GSE1: variants seen among roughly 807,000 people sequenced by gnomAD.
GSE1 encodes the protein Gse1 coiled-coil protein.
Under a neutral mutation model 112.6 loss-of-function variants are expected in GSE1, and 32 were observed. The ratio of observed to expected loss-of-function variants is 0.28; its 90% confidence interval spans 0.21 to 0.38. The LOEUF (loss-of-function observed/expected upper bound fraction) is 0.38, where lower values mean the gene tolerates loss of function less well. GSE1 is among the 10% of genes least tolerant of loss of function. The pLI is 1.00. For missense variants in GSE1, 2,348 were observed against 1,699.2 expected (o/e 1.38, Z -6.71); for synonymous variants, 1,115 against 735.6 (o/e 1.52, Z -8.35).
intron 2 of GSE1, among the ~76,000 whole-genome samples, chr16:85,638,679 C>G (rs1348674618): frequency 6.7e-6 from 1 of 149,468 alleles, no homozygotes; most frequent in Non-Finnish European, 1.5e-5. Flanking sequence ...GCCCCCCACC[C>G]TAATGCTGCC....
chr16:85,644,753 A>G (rs2050715501), intron 2 of GSE1, among the ~76,000 whole-genome samples: 1 of 152,046 alleles, frequency 6.6e-6, no homozygotes, highest in African/African-American at 2.4e-5. Flanking sequence ...TGGACGTGCT[A>G]GAACCGTGGG....
intron 2 of GSE1, among the ~76,000 whole-genome samples, chr16:85,454,076 G>A (rs943485568): frequency 4.6e-5 from 7 of 152,196 alleles, no homozygotes; most frequent in Non-Finnish European, 8.8e-5. Context: ...TCTAGGAGTG[G>A]AGGGAGCCAC....
At chr16:85,238,850 A>G (rs1295597594) in intron 1 of GSE1, among the ~76,000 whole-genome samples, 15 of 152,090 alleles carry the variant, frequency 9.9e-5, no homozygotes, top group Non-Finnish European at 2.9e-5. Flanking sequence ...CCTTCCTCCA[A>G]CAGATACTTA....
chr16:85,337,558 G>A (rs1024987041), intron 1 of GSE1, among the ~76,000 whole-genome samples: 1 of 152,138 alleles, frequency 6.6e-6, no homozygotes, highest in African/African-American at 2.4e-5. Context: ...GCCCGCCTCG[G>A]CCTCCCAAAG....
chr16:85,602,574 C>T lies in GSE1; in HGVS notation c.38-45978C>T, dbSNP rs371849248. Among the ~76,000 whole-genome samples the T allele has an allele frequency of 7.2e-5, 11 of 152,120 alleles. No individual in the cohort carries two copies. In the East Asian group the frequency reaches 1.2e-3, roughly 16 times the overall value. On this transcript the variant is annotated intron_variant, in intron 1 of 2. Coordinates refer to the GSE1 transcript ENST00000635906. ...TAGGGTGACCCGCTGCTCCAGAACCCGGCCTCCTGGGTGCTCTCTGGGCAT... is the reference window on the plus strand; with the variant it reads ...TAGGGTGACCCGCTGCTCCAGAACCTGGCCTCCTGGGTGCTCTCTGGGCAT...
At chr16:85,573,723 G>T (rs566296920) in intron 1 of GSE1, among the ~76,000 whole-genome samples, 28 of 152,326 alleles carry the variant, frequency 1.8e-4, no homozygotes, top group Admixed American at 1.8e-3. Flanking sequence ...GGGGGAGCCG[G>T]CAGGCGCACT....
chr16:85,199,361 C>T (rs867591017), intron 1 of GSE1, among the ~76,000 whole-genome samples: 2 of 152,190 alleles, frequency 1.3e-5, no homozygotes, highest in Non-Finnish European at 2.9e-5. Context: ...GTGGAGATTA[C>T]AGGCGAGAGC....
intron 1 of GSE1, among the ~76,000 whole-genome samples, chr16:85,301,987 C>T (rs1279632867): frequency 6.6e-6 from 1 of 152,228 alleles, no homozygotes; most frequent in Non-Finnish European, 1.5e-5. Context: ...TCATGGGGCA[C>T]AGCGCTGGAG....
At chr16:85,446,921 C>T (rs1436655687) in intron 2 of GSE1, among the ~76,000 whole-genome samples, 2 of 152,152 alleles carry the variant, frequency 1.3e-5, no homozygotes, top group African/African-American at 4.8e-5. Flanking sequence ...CACCCTCCTC[C>T]TGCTCTGTGT....
At chr16:85,523,535 C>T (rs2052261314) in intron 2 of GSE1, among the ~76,000 whole-genome samples, 1 of 152,116 alleles carries the variant, frequency 6.6e-6, no homozygotes, top group African/African-American at 2.4e-5. Context: ...AGGGCTGGGG[C>T]CAGGAAGGAA....
intron 1 of GSE1, among the ~76,000 whole-genome samples, chr16:85,172,663 G>A (rs928456563): frequency 1.3e-5 from 2 of 152,250 alleles, no homozygotes; most frequent in East Asian, 3.9e-4. Flanking sequence ...GCTCATTTCT[G>A]CCAAAGACAG....
upstream of GSE1, among the ~76,000 whole-genome samples, chr16:85,612,936 G>A (rs577068697): frequency 3.9e-5 from 6 of 152,214 alleles, no homozygotes; most frequent in Non-Finnish European, 7.3e-5. Context: ...TAAGTGGCCG[G>A]TCTTAGCCAC....
At chr16:85,291,986 G>A (rs1036976260) in intron 1 of GSE1, among the ~76,000 whole-genome samples, 1 of 152,222 alleles carries the variant, frequency 6.6e-6, no homozygotes, top group Non-Finnish European at 1.5e-5. Context: ...CGTAAAGGAG[G>A]CAGAGAGGTG....
At chr16:85,611,491 C>G, upstream of GSE1, 1 of 985,032 alleles carries the variant, frequency 1.0e-6, no homozygotes, top group Non-Finnish European at 1.2e-6. Context: ...TGCGGGGAAG[C>G]AGCACCCCCG....
intron 2 of GSE1, chr16:85,463,054 G>C (rs1766254251): frequency 1.0e-6 from 1 of 982,718 alleles, no homozygotes; most frequent in African/African-American, 1.8e-5. Context: ...TAGAGGCCCC[G>C]GGTCCCGCGG....
intron 1 of GSE1, among the ~76,000 whole-genome samples, chr16:85,323,203 A>C (rs1418203007): frequency 6.6e-6 from 1 of 152,134 alleles, no homozygotes; most frequent in Non-Finnish European, 1.5e-5. Flanking sequence ...TCAAAACCAA[A>C]GATTGGGTCA....
intron 1 of GSE1, among the ~76,000 whole-genome samples, chr16:85,326,821 C>T (rs576514023): frequency 1.3e-5 from 2 of 152,230 alleles, no homozygotes; most frequent in South Asian, 2.1e-4. Flanking sequence ...AGGTGCTAGA[C>T]GCTGTGGGGT....
chr16:85,285,518 C>T (rs2044994886), intron 1 of GSE1: 1 of 151,954 alleles, frequency 6.6e-6, no homozygotes, highest in African/African-American at 2.4e-5. Context: ...CCCGTTTCTA[C>T]TAAAAATACA....
At chr16:85,194,240 C>T (rs1029937015) in intron 1 of GSE1, among the ~76,000 whole-genome samples, 11 of 152,154 alleles carry the variant, frequency 7.2e-5, no homozygotes, top group African/African-American at 2.7e-4. Context: ...TGGGCTGAGA[C>T]CCCTGGCCCT....
Sources: allele counts gnomAD v4.1 joint callset (sites outside exome capture counted in the v4.1 genomes callset), GRCh38; gene constraint gnomAD v4.1.1; transcripts MANE v1.5; gene names NCBI Gene and HGNC (gene_info 2026-07-23, HGNC 2026-07-21).